Variants in CLEC20A observed in about 807,000 individuals in gnomAD.
The protein encoded by CLEC20A is C-type lectin domain containing 20A.
chr1:178,488,966 G>A (rs1258225342), intron 4 of CLEC20A, among the ~76,000 whole-genome samples: 1 of 151,952 alleles, frequency 6.6e-6, no homozygotes, highest in Non-Finnish European at 1.5e-5. Flanking sequence ...GGGTTTCTTT[G>A]AGGTGGGGGG....
chr1:178,497,567 C>T (rs1649429547), upstream of CLEC20A, among the ~76,000 whole-genome samples: 1 of 152,210 alleles, frequency 6.6e-6, no homozygotes, highest in Admixed American at 6.5e-5. Flanking sequence ...TTAGATCAGA[C>T]CCTTCTGTCC....
At chr1:178,479,148 G>A (rs1002617505), downstream of CLEC20A, 1 of 155,414 alleles carries the variant, frequency 6.4e-6, no homozygotes, top group African/African-American at 2.4e-5. Flanking sequence ...GTTTCATCTG[G>A]TTTATTAGGA....
intron 7 of CLEC20A, chr1:178,482,074 CAAAA>C (rs1354315351): frequency 1.8e-5 from 6 of 334,026 alleles, no homozygotes; most frequent in African/African-American, 5.7e-5. Context: ...CAAAAAAAAA[CAAAA>C]AAACAAAAAA....
chr1:178,484,081 G>A (rs776055610), intron 5 of CLEC20A: 1 of 152,090 alleles, frequency 6.6e-6, no homozygotes. Context: ...TTATTTAACC[G>A]ATCTGCTTTC....
chr1:178,491,565 T>C (rs1201847764), intron 3 of CLEC20A, among the ~76,000 whole-genome samples: 1 of 152,120 alleles, frequency 6.6e-6, no homozygotes, highest in Admixed American at 6.5e-5. Flanking sequence ...TTAGCCTCAG[T>C]TCACAGATGA....
intron 7 of CLEC20A, chr1:178,482,082 C>A (rs967830431): frequency 1.1e-4 from 40 of 354,466 alleles, no homozygotes; most frequent in African/African-American, 9.9e-4. Flanking sequence ...AACAAAAAAA[C>A]AAAAAAACAA....
rs115473211 is a variant in CLEC20A at position 178,492,789 on chromosome 1, T to G, written c.398-223A>C. On this transcript the variant is annotated intron_variant, in intron 2 of 7. Coordinates refer to ENST00000623247, the Ensembl canonical transcript of CLEC20A. ...GGCAGAAATAAGACAAGCGGAGTCC[T>G]TGCTCTTGAAGAGAATATGAGAAGG... Among the ~76,000 whole-genome samples the G allele has an allele frequency of 3.6e-3, 541 of 152,314 alleles. 2 individuals carry two copies. Among genetic ancestry groups the G allele is most frequent in the Non-Finnish European group, 6.1e-3 (417 of 68,032 alleles).
intron 1 of CLEC20A, chr1:178,495,797 C>G (rs542575038): frequency 1.3e-5 from 2 of 150,526 alleles, no homozygotes; most frequent in South Asian, 4.2e-4. Flanking sequence ...TTCCTTCCTT[C>G]CTTGACTCCA....
chr1:178,483,659 A>G (rs1488119596), intron 5 of CLEC20A: 1 of 156,404 alleles, frequency 6.4e-6, no homozygotes, highest in Non-Finnish European at 1.4e-5. Flanking sequence ...CATGGCACCC[A>G]GGGACCCTCA....
At chr1:178,490,148 A>G (rs1044861688) in exon 4 of CLEC20A, 1 of 398,606 alleles carries the variant, frequency 2.5e-6, no homozygotes, top group African/African-American at 2.1e-5. Context: ...TATAGATGCC[A>G]AGAGCTGTGC....
chr1:178,494,563 C>A, exon 2 of CLEC20A: 1 of 399,338 alleles, frequency 2.5e-6, no homozygotes, highest in Non-Finnish European at 4.4e-6. Context: ...ATTCAGGTAG[C>A]TTCTGGCCCC....
intron 1 of CLEC20A, chr1:178,496,536 C>T (rs183537504): frequency 1.4e-3 from 318 of 233,182 alleles, no homozygotes; most frequent in African/African-American, 6.2e-3. Context: ...CACAGACCCC[C>T]ACAACGCCCG....
intron 4 of CLEC20A, among the ~76,000 whole-genome samples, chr1:178,489,152 C>G (rs550674390): frequency 2.0e-5 from 3 of 152,218 alleles, no homozygotes; most frequent in African/African-American, 4.8e-5. Flanking sequence ...CACTTGAGGT[C>G]AGGAGTTCAA....
chr1:178,498,966 G>A (rs1649462697), upstream of CLEC20A, among the ~76,000 whole-genome samples: 1 of 152,222 alleles, frequency 6.6e-6, no homozygotes, highest in South Asian at 2.1e-4. Context: ...GGTCCTGCTT[G>A]TGTCAGGGCC....
chr1:178,490,374 G>T (rs531551196), exon 4 of CLEC20A: 1 of 398,718 alleles, frequency 2.5e-6, no homozygotes, highest in Non-Finnish European at 4.4e-6. Flanking sequence ...GTACAGCAGG[G>T]CCGAGGACCA....
chr1:178,495,543 TTGTC>T (rs1367075676), intron 1 of CLEC20A, among the ~76,000 whole-genome samples: 1 of 152,224 alleles, frequency 6.6e-6, no homozygotes, highest in Non-Finnish European at 1.5e-5. Context: ...ACCTTTTTGC[TTGTC>T]TGTCTGTATC....
chr1:178,498,729 G>C (rs76563897), upstream of CLEC20A, among the ~76,000 whole-genome samples: 3,673 of 152,310 alleles, frequency 0.024, 124 homozygotes, highest in African/African-American at 0.081. Flanking sequence ...TAGGCCCAGA[G>C]CCCTCTCTGT....
At chr1:178,489,469 G>A (rs1649225983) in intron 4 of CLEC20A, among the ~76,000 whole-genome samples, 1 of 152,120 alleles carries the variant, frequency 6.6e-6, no homozygotes, top group South Asian at 2.1e-4. Context: ...GAATGAGGAA[G>A]GGAGGAAGGA....
chr1:178,484,949 G>A (rs1649099537), intron 5 of CLEC20A, among the ~76,000 whole-genome samples: 1 of 151,654 alleles, frequency 6.6e-6, no homozygotes, highest in Non-Finnish European at 1.5e-5. Flanking sequence ...TTTCTGATTG[G>A]CCACCCCTTC....
Sources: gnomAD v4.1 joint callset for allele counts (sites outside exome capture counted in the v4.1 genomes callset) on GRCh38, gnomAD v4.1.1 for gene constraint, MANE v1.5 for transcripts, NCBI Gene and HGNC (gene_info 2026-07-23, HGNC 2026-07-21) for gene names.